The following FHIT variants were observed in gnomAD, a reference collection of about 807,000 sequenced individuals.
The protein encoded by FHIT is bis(5'-adenosyl)-triphosphatase.
A neutral mutation model predicts 17.9 loss-of-function variants in FHIT; 19 were observed. The observed-to-expected ratio is 1.06, with a 90% CI of 0.74 to 1.56. The LOEUF (loss-of-function observed/expected upper bound fraction) is 1.56, where lower values mean the gene tolerates loss of function less well. Ranked by LOEUF, FHIT falls within the 40% of genes most tolerant of loss-of-function variation. The pLI is 0.00. For synonymous variants in FHIT, 81 were observed against 69.7 expected (o/e 1.16, Z -0.81); for missense variants, 248 against 189.2 (o/e 1.31, Z -1.82).
intron 5 of FHIT, among the ~76,000 whole-genome samples, chr3:60,455,282 T>C (rs1197872597): frequency 6.6e-6 from 1 of 152,144 alleles, no homozygotes; most frequent in Admixed American, 6.5e-5. Flanking sequence ...CTGAACTCAA[T>C]TTCTAGTCAA....
intron 1 of FHIT, among the ~76,000 whole-genome samples, chr3:61,206,485 T>G (rs1395504253): frequency 6.6e-6 from 1 of 152,130 alleles, no homozygotes; most frequent in African/African-American, 2.4e-5. Flanking sequence ...GTATCCTCTT[T>G]TATTTCATTG....
intron 5 of FHIT, among the ~76,000 whole-genome samples, chr3:60,090,471 C>A (rs1703683116): frequency 6.6e-6 from 1 of 152,126 alleles, no homozygotes; most frequent in Non-Finnish European, 1.5e-5. Flanking sequence ...ATCAAGTGAG[C>A]TGGGAGCATT....
chr3:60,370,929 C>T (rs1700302482), intron 5 of FHIT, among the ~76,000 whole-genome samples: 1 of 152,200 alleles, frequency 6.6e-6, no homozygotes, highest in Admixed American at 6.5e-5. Context: ...CCTCTCACTG[C>T]CTTTTAATTC....
intron 8 of FHIT, among the ~76,000 whole-genome samples, chr3:59,805,135 A>G (rs951919811): frequency 6.6e-6 from 1 of 152,136 alleles, no homozygotes; most frequent in African/African-American, 2.4e-5. Context: ...AGAAACTCAA[A>G]GTGTCCCTTT....
chr3:60,797,139 C>T lies in FHIT; in HGVS notation c.-18+24780G>A, dbSNP rs7629014. On this transcript the variant is annotated intron_variant, in intron 4 of 9. Coordinates refer to ENST00000492590, the MANE Select transcript of FHIT (RefSeq NM_002012.4). The stretch of plus-strand genomic sequence containing the variant: ...TAAGTGAAGTGATTAGAAAACACAT[C>T]AGGGCTTCTGTGGCTCAGGATTTGG... Among the ~76,000 whole-genome samples the T allele has an allele frequency of 9.8e-3, 1,489 of 152,248 alleles. 29 individuals are homozygous for T. The highest frequency in any genetic ancestry group is 0.034 in the African/African-American group (1,398 of 41,544).
intron 5 of FHIT, among the ~76,000 whole-genome samples, chr3:60,460,201 C>A (rs113411388): frequency 5.9e-5 from 9 of 152,224 alleles, no homozygotes; most frequent in African/African-American, 2.2e-4. Context: ...GGGGGCAAAT[C>A]TGATGAGGAC....
intron 7 of FHIT, among the ~76,000 whole-genome samples, chr3:59,931,332 G>A (rs1705961660): frequency 6.6e-6 from 1 of 152,098 alleles, no homozygotes; most frequent in Non-Finnish European, 1.5e-5. Flanking sequence ...GATTTGGGGA[G>A]GCCTCATCTT....
intron 5 of FHIT, among the ~76,000 whole-genome samples, chr3:60,162,411 T>C (rs1700979326): frequency 6.6e-6 from 1 of 152,204 alleles, no homozygotes; most frequent in Non-Finnish European, 1.5e-5. Flanking sequence ...TCTCAAGTGC[T>C]TGTTTATTTC....
At chr3:60,546,456 T>C (rs2036367921) in intron 4 of FHIT, among the ~76,000 whole-genome samples, 1 of 152,218 alleles carries the variant, frequency 6.6e-6, no homozygotes, top group Admixed American at 6.5e-5. Flanking sequence ...ATCTTCGTCA[T>C]GTCCTAACTT....
intron 8 of FHIT, among the ~76,000 whole-genome samples, chr3:59,803,098 A>C (rs1393633442): frequency 6.6e-6 from 1 of 152,156 alleles, no homozygotes; most frequent in African/African-American, 2.4e-5. Flanking sequence ...TTGACTGATC[A>C]TTCATTTTAA....
At chr3:60,775,322 T>C (rs552998916) in intron 4 of FHIT, among the ~76,000 whole-genome samples, 1 of 151,890 alleles carries the variant, frequency 6.6e-6, no homozygotes, top group Non-Finnish European at 1.5e-5. Flanking sequence ...TGAGGAGGGG[T>C]CCCCAGAAGA....
intron 5 of FHIT, among the ~76,000 whole-genome samples, chr3:60,195,196 A>G (rs1008110080): frequency 6.6e-6 from 1 of 151,928 alleles, no homozygotes; most frequent in Admixed American, 6.6e-5. Context: ...ACCAAAAAAA[A>G]CCACAGTAAG....
chr3:59,766,099 G>T (rs772204139), intron 8 of FHIT, among the ~76,000 whole-genome samples: 6 of 152,128 alleles, frequency 3.9e-5, no homozygotes, highest in African/African-American at 7.2e-5. Flanking sequence ...CAAGGGGATG[G>T]TTTTTTGTGT....
intron 7 of FHIT, among the ~76,000 whole-genome samples, chr3:60,004,682 T>C (rs565169727): frequency 8.1e-4 from 124 of 152,212 alleles, no homozygotes; most frequent in African/African-American, 2.8e-3. Context: ...TAATGAAGAG[T>C]TGAAATTTTG....
intron 4 of FHIT, among the ~76,000 whole-genome samples, chr3:60,811,897 A>C (rs1701580763): frequency 6.6e-6 from 1 of 152,210 alleles, no homozygotes; most frequent in African/African-American, 2.4e-5. Context: ...GTGGCATTCG[A>C]TACATAGTAA....
intron 4 of FHIT, among the ~76,000 whole-genome samples, chr3:60,800,207 T>C (rs759167849): frequency 3.9e-5 from 6 of 152,220 alleles, no homozygotes; most frequent in Non-Finnish European, 8.8e-5. Flanking sequence ...CTTTCACTAA[T>C]TCAAACACAC....
chr3:59,909,861 C>G (rs1263119489), intron 8 of FHIT, among the ~76,000 whole-genome samples: 1 of 152,152 alleles, frequency 6.6e-6, no homozygotes, highest in East Asian at 1.9e-4. Flanking sequence ...ATTGCATACT[C>G]ATTATATTAT....
At chr3:60,461,794 G>GA (rs1209026213) in intron 5 of FHIT, among the ~76,000 whole-genome samples, 1 of 152,102 alleles carries the variant, frequency 6.6e-6, no homozygotes, top group Non-Finnish European at 1.5e-5. Context: ...AAGGATGGGG[G>GA]ATCCCAAACA....
chr3:61,129,760 A>C (rs552256056), intron 2 of FHIT, among the ~76,000 whole-genome samples: 1 of 152,326 alleles, frequency 6.6e-6, no homozygotes, highest in South Asian at 2.1e-4. Context: ...ACTTAGGGTA[A>C]TAAGTATGAA....
Sources: allele counts gnomAD v4.1 joint callset (sites outside exome capture counted in the v4.1 genomes callset), GRCh38; gene constraint gnomAD v4.1.1; transcripts MANE v1.5; gene names NCBI Gene and HGNC (gene_info 2026-07-23, HGNC 2026-07-21).